Variants in GHR observed in about 807,000 individuals in gnomAD.
The protein encoded by GHR is growth hormone receptor.
Under a neutral mutation model 67.1 loss-of-function variants are expected in GHR, and 35 were observed. The observed-to-expected ratio is 0.52, with a 90% CI of 0.40 to 0.69. The LOEUF is 0.69. GHR is among the 30% of genes least tolerant of loss of function. GHR has a pLI of 0.00. For synonymous variants in GHR, 272 were observed against 269.1 expected (o/e 1.01, Z -0.10); for missense variants, 792 against 764.6 (o/e 1.04, Z -0.42).
At chr5:42,638,042 C>T (rs1268912269) in intron 3 of GHR, among the ~76,000 whole-genome samples, 1 of 152,134 alleles carries the variant, frequency 6.6e-6, no homozygotes, top group Non-Finnish European at 1.5e-5. Context: ...CAGGTTCAAG[C>T]AATTTGCCTG....
At chr5:42,487,401 A>C (rs1475256490) in intron 1 of GHR, among the ~76,000 whole-genome samples, 2 of 152,262 alleles carry the variant, frequency 1.3e-5, no homozygotes, top group African/African-American at 4.8e-5. Context: ...AGGTTTACTT[A>C]GAGAAAAGCT....
chr5:42,441,572 C>T (rs1197724902), intron 1 of GHR, among the ~76,000 whole-genome samples: 2 of 151,680 alleles, frequency 1.3e-5, no homozygotes, highest in Non-Finnish European at 2.9e-5. Flanking sequence ...TGCAGTGGCA[C>T]GATCTTGGCT....
At chr5:42,614,611 G>GCT (rs1753053841) in intron 2 of GHR, among the ~76,000 whole-genome samples, 1 of 114,678 alleles carries the variant, frequency 8.7e-6, no homozygotes, top group African/African-American at 3.5e-5. Flanking sequence ...ACAGATTACT[G>GCT]CTCTACTCTA....
At chr5:42,717,064 T>C (rs1316720980) in intron 8 of GHR, among the ~76,000 whole-genome samples, 1 of 152,228 alleles carries the variant, frequency 6.6e-6, no homozygotes, top group Non-Finnish European at 1.5e-5. Flanking sequence ...TCCAGCACTT[T>C]GGGAGGATGG....
rs1379543211 is a variant in GHR, at chr5:42,720,842, G to C, written c.*1418G>C. The stretch of plus-strand genomic sequence containing the variant: ...TCTGAGTGGACTGGCCTCAAAGCAA[G>C]CATTCAGAAGAAAAAGAAGCAACCT... On this transcript the variant is annotated 3_prime_UTR_variant, in exon 10 of 10. Coordinates refer to ENST00000230882, the MANE Select transcript of GHR (RefSeq NM_000163.5). 2 of 152,194 alleles carry C rather than the reference G, an allele frequency of 1.3e-5. No homozygotes were observed. Among genetic ancestry groups the C allele is most frequent in the African/African-American group, 4.8e-5 (2 of 41,462 alleles). The allele number at this position is 152,194 out of a possible 1,614,324, so 9.4% of individuals were successfully genotyped here.
At chr5:42,680,515 T>C (rs1756808341) in intron 3 of GHR, among the ~76,000 whole-genome samples, 1 of 152,044 alleles carries the variant, frequency 6.6e-6, no homozygotes, top group South Asian at 2.1e-4. Flanking sequence ...CAAAACACTT[T>C]TTTTTTTAGA....
intron 1 of GHR, among the ~76,000 whole-genome samples, chr5:42,535,871 ACT>A (rs1748232934): frequency 6.6e-6 from 1 of 150,546 alleles, no homozygotes; most frequent in South Asian, 2.1e-4. Context: ...AGGTCTTTCA[ACT>A]CTTTTGTTAA....
chr5:42,633,250 G>A (rs952155616), intron 3 of GHR, among the ~76,000 whole-genome samples: 1 of 152,040 alleles, frequency 6.6e-6, no homozygotes, highest in Non-Finnish European at 1.5e-5. Context: ...TATCCAACTG[G>A]AGCAAGTTTT....
intron 2 of GHR, among the ~76,000 whole-genome samples, chr5:42,580,264 C>G (rs56708578): frequency 0.036 from 5,498 of 152,136 alleles, 347 homozygotes; most frequent in African/African-American, 0.13. Flanking sequence ...TTACTGGGTA[C>G]TATTTTCGGT....
chr5:42,666,319 A>G (rs1007760710), intron 3 of GHR, among the ~76,000 whole-genome samples: 2 of 152,174 alleles, frequency 1.3e-5, no homozygotes, highest in Non-Finnish European at 2.9e-5. Flanking sequence ...TATCCAAACT[A>G]TTATCATTTT....
At position 42,668,599 on chromosome 5, in the gene GHR, T is replaced by C. The variant is rs537624279; in HGVS notation, c.137-20291T>C. On this transcript the variant is annotated intron_variant, in intron 3 of 9. Transcript: ENST00000230882. ...TATAGACCTGAAAAAAATAAAAAAT[T>C]AAAAACATGCACATAAGAGAATGAC... Among the ~76,000 whole-genome samples, 156 of 152,046 alleles carry C rather than the reference T, an allele frequency of 1.0e-3. 1 individual carries two copies. The highest frequency in any genetic ancestry group is 1.0e-3 in the Non-Finnish European group (69 of 68,010).
In GHR at chr5:42,540,943, GT is replaced by G. The variant is rs58109462; in HGVS notation, c.-11-24908del. Among the ~76,000 whole-genome samples, 737 of 139,900 alleles carry G rather than the reference GT, an allele frequency of 5.3e-3. 3 individuals are homozygous for G. The highest frequency in any genetic ancestry group is 0.02 in the East Asian group (96 of 4,746). 91.8% of individuals were successfully genotyped at this position (139,900 alleles called of 152,430 possible). ...TGTGACAGTCTCTAGTATTTTCCTT[GT>G]TTTTTTTTTTTTGTCTAGAATTTAC... On this transcript the variant is annotated intron_variant, in intron 1 of 9. Coordinates refer to ENST00000230882, the MANE Select transcript of GHR (RefSeq NM_000163.5).
intron 1 of GHR, chr5:42,547,989 T>C: frequency 1.8e-6 from 1 of 571,274 alleles, no homozygotes; most frequent in Non-Finnish European, 2.2e-6. Flanking sequence ...AGATACCCTA[T>C]CACTGCTTTC....
chr5:42,672,495 G>C (rs1580172394), intron 3 of GHR, among the ~76,000 whole-genome samples: 1 of 152,204 alleles, frequency 6.6e-6, no homozygotes, highest in East Asian at 1.9e-4. Context: ...CTTCAACAAA[G>C]ATGACAAAAT....
intron 1 of GHR, among the ~76,000 whole-genome samples, chr5:42,474,331 A>AAGAAAGAAAG (rs1303333619): frequency 6.7e-6 from 1 of 149,152 alleles, no homozygotes; most frequent in Non-Finnish European, 1.5e-5. Context: ...GAAAGAAAGA[A>AAGAAAGAAAG]AGAAAGAAAA....
chr5:42,435,626 T>C (rs1336844073), intron 1 of GHR, among the ~76,000 whole-genome samples: 1 of 152,230 alleles, frequency 6.6e-6, no homozygotes, highest in African/African-American at 2.4e-5. Flanking sequence ...AATCATGATA[T>C]ATTTGTCAAC....
At position 42,712,684 on chromosome 5, in the gene GHR, A is replaced by G. The variant is rs145977206; in HGVS notation, c.785-745A>G. On this transcript the variant is annotated intron_variant, in intron 7 of 9. Coordinates refer to ENST00000230882, the MANE Select transcript of GHR (RefSeq NM_000163.5). The stretch of plus-strand genomic sequence containing the variant: ...GGTTAGCCTCTGCCTCTGTGGTAAG[A>G]ATACTGGGTACCAACTGCAAAGTAG... Among the ~76,000 whole-genome samples the G allele has an allele frequency of 2.1e-4, 32 of 152,170 alleles. 4 individuals are homozygous for G. The highest frequency in any genetic ancestry group is 7.5e-4 in the African/African-American group (31 of 41,536).
intron 3 of GHR, among the ~76,000 whole-genome samples, chr5:42,663,005 T>A (rs1018263496): frequency 3.3e-5 from 5 of 152,070 alleles, no homozygotes; most frequent in Non-Finnish European, 7.4e-5. Flanking sequence ...AAGAAATGGA[T>A]AAATTCCTCA....
At chr5:42,662,270 A>G (rs1344821250) in intron 3 of GHR, among the ~76,000 whole-genome samples, 4 of 152,214 alleles carry the variant, frequency 2.6e-5, no homozygotes, top group Non-Finnish European at 5.9e-5. Flanking sequence ...AGACATCTAC[A>G]GAACTCTCCA....
Sources: allele counts gnomAD v4.1 joint callset (sites outside exome capture counted in the v4.1 genomes callset), GRCh38; gene constraint gnomAD v4.1.1; transcripts MANE v1.5; gene names NCBI Gene and HGNC (gene_info 2026-07-23, HGNC 2026-07-21).